Variants in DCLK1 observed in about 807,000 individuals in gnomAD.
DCLK1 encodes doublecortin like kinase 1, also known as serine/threonine-protein kinase DCLK1.
Under a neutral mutation model 86.2 loss-of-function variants are expected in DCLK1, and 16 were observed. The ratio of observed to expected loss-of-function variants is 0.19; its 90% CI spans 0.13 to 0.28. DCLK1 has a LOEUF of 0.28. Among genes scored for constraint, DCLK1 ranks in the 10% least tolerant of loss-of-function variants. The pLI, the probability that DCLK1 is intolerant of heterozygous loss-of-function variation, is 1.00. For synonymous variants in DCLK1, 369 were observed against 370.5 expected, an observed-to-expected ratio of 1.00 and a Z score of 0.05; for missense variants, 590 against 940.2, an observed-to-expected ratio of 0.63 and a Z score of 4.87.
At chr13:36,126,219 T>TATA (rs879211637) in intron 1 of DCLK1, 63 bp from the exon 2 acceptor site, 2 of 1,237,784 alleles carry the variant, frequency 1.6e-6, no homozygotes, top group Admixed American at 3.0e-5. Context: ...ATATATATAT[T>TATA]TTTTTGTTTT....
chr13:35,803,976 G>C (rs1230105443), intron 15 of DCLK1, among the ~76,000 whole-genome samples: 1 of 152,122 alleles, frequency 6.6e-6, no homozygotes, highest in African/African-American at 2.4e-5. Context: ...TCTGTCAGTG[G>C]GGATTACCAT....
chr13:36,051,714 C>T (rs1178651161), intron 3 of DCLK1, among the ~76,000 whole-genome samples: 1 of 152,106 alleles, frequency 6.6e-6, no homozygotes, highest in Non-Finnish European at 1.5e-5. Context: ...GCTTGTTTTA[C>T]AGTAGTGAAA....
At chr13:36,007,489 T>C (rs1881030279) in intron 3 of DCLK1, among the ~76,000 whole-genome samples, 1 of 152,200 alleles carries the variant, frequency 6.6e-6, no homozygotes, top group African/African-American at 2.4e-5. Context: ...TGGAGAATCC[T>C]CAAAATATCT....
intron 4 of DCLK1, among the ~76,000 whole-genome samples, chr13:35,930,431 G>A (rs1314167780): frequency 6.6e-6 from 1 of 152,142 alleles, no homozygotes; most frequent in African/African-American, 2.4e-5. Flanking sequence ...TGTAGGACTT[G>A]TTAAAAAGAA....
intron 3 of DCLK1, among the ~76,000 whole-genome samples, chr13:36,082,092 T>C (rs1194696777): frequency 2.0e-5 from 3 of 152,164 alleles, no homozygotes; most frequent in African/African-American, 4.8e-5. Context: ...AGTCAACTTA[T>C]ACGCAGATTT....
intron 3 of DCLK1, among the ~76,000 whole-genome samples, chr13:36,092,888 T>A (rs1434141625): frequency 1.3e-5 from 2 of 152,074 alleles, no homozygotes; most frequent in Non-Finnish European, 2.9e-5. Context: ...CTAAATATCC[T>A]TTGCATGTTA....
chr13:36,032,880 A>T (rs1246654154), intron 3 of DCLK1, among the ~76,000 whole-genome samples: 1 of 152,226 alleles, frequency 6.6e-6, no homozygotes, highest in Non-Finnish European at 1.5e-5. Context: ...CATGGGAAAG[A>T]ATCATTTTTA....
At chr13:35,860,794 T>A (rs751111640) in intron 5 of DCLK1, among the ~76,000 whole-genome samples, 11 of 152,204 alleles carry the variant, frequency 7.2e-5, no homozygotes, top group Non-Finnish European at 8.8e-5. Context: ...GCTGCTGCAG[T>A]ACTGCAGGGC....
chr13:35,855,363 A>C (rs1870970710), intron 5 of DCLK1: 3 of 641,828 alleles, frequency 4.7e-6, no homozygotes, highest in African/African-American at 3.6e-5. Flanking sequence ...TTTTATAAAG[A>C]TGTATCAGGT....
chr13:36,018,836 CACAG>C (rs1881639251), intron 3 of DCLK1, among the ~76,000 whole-genome samples: 2 of 152,254 alleles, frequency 1.3e-5, no homozygotes, highest in East Asian at 1.9e-4. Flanking sequence ...AGTGAACTTG[CACAG>C]ACAATCTTCT....
At chr13:35,937,448 G>A (rs1876826330) in intron 4 of DCLK1, among the ~76,000 whole-genome samples, 1 of 152,144 alleles carries the variant, frequency 6.6e-6, no homozygotes, top group African/African-American at 2.4e-5. Context: ...GAGTGAGCAG[G>A]AGAGAAGTCA....
chr13:36,013,970 G>A (rs139836075), intron 3 of DCLK1, among the ~76,000 whole-genome samples: 138 of 152,016 alleles, frequency 9.1e-4, no homozygotes, highest in African/African-American at 3.0e-3. Context: ...CACAATATTC[G>A]CCAGGTGCGT....
At chr13:35,910,783 G>A (rs1483949059) in intron 4 of DCLK1, among the ~76,000 whole-genome samples, 1 of 152,172 alleles carries the variant, frequency 6.6e-6, no homozygotes, top group African/African-American at 2.4e-5. Context: ...GCAGGAAGCG[G>A]GGAATTTGAG....
At chr13:36,033,526 A>G (rs1480912824) in intron 3 of DCLK1, among the ~76,000 whole-genome samples, 2 of 152,122 alleles carry the variant, frequency 1.3e-5, no homozygotes, top group African/African-American at 4.8e-5. Flanking sequence ...CTCCCCACTC[A>G]ATATTTTCTG....
chr13:35,797,550 T>C (rs551259993), intron 15 of DCLK1, among the ~76,000 whole-genome samples: 2 of 152,154 alleles, frequency 1.3e-5, no homozygotes, highest in Non-Finnish European at 2.9e-5. Flanking sequence ...GCAATGCAAG[T>C]AGCGAAACAA....
At chr13:36,077,075 C>T (rs1213519291) in intron 3 of DCLK1, among the ~76,000 whole-genome samples, 1 of 152,104 alleles carries the variant, frequency 6.6e-6, no homozygotes, top group Non-Finnish European at 1.5e-5. Flanking sequence ...GTGCCACTTA[C>T]TGAGCACTTA....
At chr13:35,790,215 G>A (rs1300032367) in intron 16 of DCLK1, among the ~76,000 whole-genome samples, 1 of 152,154 alleles carries the variant, frequency 6.6e-6, no homozygotes, top group Non-Finnish European at 1.5e-5. Flanking sequence ...CTACAATTCA[G>A]AACATGAGTA....
chr13:36,121,963 G>C (rs1310163833), intron 2 of DCLK1, among the ~76,000 whole-genome samples: 1 of 151,988 alleles, frequency 6.6e-6, no homozygotes, highest in East Asian at 1.9e-4. Context: ...TGTTTTTAAA[G>C]AAAGAAAAAA....
intron 2 of DCLK1, among the ~76,000 whole-genome samples, chr13:36,122,296 G>A (rs946346531): frequency 6.6e-6 from 1 of 152,128 alleles, no homozygotes; most frequent in Non-Finnish European, 1.5e-5. Context: ...TCCATACAGG[G>A]TTAGTGAAAA....
Sources: gnomAD v4.1 joint callset for allele counts (sites outside exome capture counted in the v4.1 genomes callset) on GRCh38, gnomAD v4.1.1 for gene constraint, MANE v1.5 for transcripts, NCBI Gene and HGNC (gene_info 2026-07-23, HGNC 2026-07-21) for gene names.